EXOC3: variants seen among roughly 807,000 people sequenced by gnomAD.
The protein encoded by EXOC3 is SEC6-like 1.
EXOC3 carries 21 observed loss-of-function variants against 73.7 expected under a neutral mutation model. The ratio of observed to expected loss-of-function variants is 0.29; its 90% CI spans 0.20 to 0.41. The LOEUF is 0.41. Ranked by LOEUF, EXOC3 falls within the 10% of genes least tolerant of loss-of-function variation. The pLI, the probability that EXOC3 is intolerant of heterozygous loss-of-function variation, is 1.00. For synonymous variants in EXOC3, 410 were observed against 389.1 expected (o/e 1.05, Z -0.63); for missense variants, 842 against 985.1 (o/e 0.85, Z 1.95).
At chr5:457,089 G>A (rs2126581518) in intron 5 of EXOC3, 83 bp downstream of exon 5, 8 of 944,044 alleles carry the variant, frequency 8.5e-6, no homozygotes, top group Non-Finnish European at 1.4e-5. Flanking sequence ...AGGAGGCAGG[G>A]GGGAAATGCC....
In EXOC3 at chr5:444,125, T is replaced by C. The variant is rs148817732; in HGVS notation, c.-57+835T>C. On this transcript the variant is annotated intron_variant, in intron 1 of 12. Transcript: ENST00000512944. ...TGCTGATGTTCCCCGCAGTAGGGTG[T>C]CCCCCCGCTCGGCGGAGAGGCTCAC... Among the ~76,000 whole-genome samples the C allele has an allele frequency of 2.0e-4, 31 of 152,178 alleles. 1 individual carries two copies. In the East Asian group the frequency reaches 6.0e-3, roughly 29 times the overall value.
intron 11 of EXOC3, 77 bp from the exon 12 acceptor site, chr5:465,641 G>A (rs979841529): frequency 4.8e-5 from 75 of 1,577,890 alleles, no homozygotes; most frequent in Non-Finnish European, 6.1e-5. Context: ...GTCAGGAAGG[G>A]GCTCAGCCAG....
rs775479208 is a variant in EXOC3, at chr5:465,258, C to T, written c.1924C>T (p.Arg642Trp). The T allele has an allele frequency of 3.5e-5, 55 of 1,584,588 alleles. 3 individuals carry two copies. In the South Asian group the frequency reaches 6.1e-4, roughly 18 times the overall value. Residue 642 changes from arginine (R) to tryptophan (W), a missense_variant, in exon 11 of 13, where the codon CGG becomes TGG. Coordinates refer to ENST00000512944, the MANE Select transcript of EXOC3 (RefSeq NM_007277.5). Reference protein sequence around the residue: ...REAEQLRFLFRKLASGFGEDV... With the variant: ...REAEQLRFLFWKLASGFGEDV... ...GGCAGAGCAGCTGCGCTTCCTGTTC[C>T]GGAAGCTGGCGTCCGTGAGTGTCGC...
At position 456,923 on chromosome 5, in the gene EXOC3, G is replaced by A. The variant is rs1275240494; in HGVS notation, c.1081G>A (p.Glu361Lys). The A allele has an allele frequency of 1.9e-6, 3 of 1,614,046 alleles. No individual in the cohort carries two copies. Among genetic ancestry groups the A allele is most frequent in the Admixed American group, 3.3e-5 (2 of 60,024 alleles). ...GATGAGGAACGTGGAGCTGGCCCCG[G>A]AAGTGGATGTCGGCACCCTGGAGCC... ...EMMRNVELAP[E>K]VDVGTLEPLL... Residue 361 changes from glutamate to lysine, a missense_variant, in exon 5 of 13, where the codon GAA (glutamate) becomes AAA (lysine). By Grantham distance (56) the Glu-to-Lys change is moderately conservative (BLOSUM62 1). Coordinates refer to ENST00000512944, the MANE Select transcript of EXOC3 (RefSeq NM_007277.5).
At chr5:456,857 G>T (rs1375681983) in intron 4 of EXOC3, 32 bp from the exon 5 acceptor site, 1 of 1,531,134 alleles carries the variant, frequency 6.5e-7, no homozygotes, top group Admixed American at 1.7e-5. Context: ...GTCTGTCGTG[G>T]TTTGTCACTC....
intron 5 of EXOC3, chr5:457,594 C>G (rs567696062): frequency 1.7e-5 from 5 of 300,682 alleles, no homozygotes; most frequent in African/African-American, 6.5e-5. Flanking sequence ...GCCTCATTCT[C>G]TGTGCACCTG....
At position 465,286 on chromosome 5, in the gene EXOC3, A is replaced by T. The variant is rs781648230; in HGVS notation, c.1938+14A>T. On this transcript the variant is annotated intron_variant, in intron 11 of 12. Transcript: ENST00000512944. ...AAGCTGGCGTCCGTGAGTGTCGCGC[A>T]GGTCCGGGCTGGAGAAGGCCTGTCG... 4 of 1,568,986 alleles carry T rather than the reference A, an allele frequency of 2.5e-6. No homozygotes were observed. In the South Asian group the frequency reaches 3.5e-5, roughly 14 times the overall value.
chr5:464,865 C>T (rs1738093489), intron 10 of EXOC3: 4 of 560,582 alleles, frequency 7.1e-6, no homozygotes, highest in South Asian at 6.7e-5. Context: ...CGCGGCACTG[C>T]CTCGCCCGCG....
rs550327924 is a variant in EXOC3 at position 453,601 on chromosome 5, T to C, written c.596T>C (p.Leu199Pro). 6.2e-7 allele frequency: 1 copy of C among 1,614,016 alleles called. No homozygotes were observed. Among genetic ancestry groups the C allele is most frequent in the African/African-American group, 1.3e-5 (1 of 75,058 alleles). ...KQLWMVLQRS[L>P]VTVRRDPTLL... ...CTGTGGATGGTGCTGCAGAGGTCACTGGTCACTGTCCGCCGTGACCCCACC... is the reference window on the plus strand; with the variant it reads ...CTGTGGATGGTGCTGCAGAGGTCACCGGTCACTGTCCGCCGTGACCCCACC... The change falls in exon 4 of 13, where the codon CTG becomes CCG. Residue 199 changes from leucine (L) to proline (P), a missense_variant. Coordinates refer to ENST00000512944, the MANE Select transcript of EXOC3 (RefSeq NM_007277.5).
chr5:453,166 C>T (rs72717447), intron 3 of EXOC3, among the ~76,000 whole-genome samples: 71 of 152,320 alleles, frequency 4.7e-4, no homozygotes, highest in Non-Finnish European at 8.5e-4. Flanking sequence ...TGCAAATGAC[C>T]ACAGTTAACC....
rs1178815213 is a variant in EXOC3, at chr5:447,583, C to T, written c.195C>T (p.Leu65=). The T allele has an allele frequency of 6.3e-7, 1 of 1,591,208 alleles. No homozygotes were observed. The highest frequency in any genetic ancestry group is 1.3e-5 in the African/African-American group (1 of 74,424). Residue 65 remains leucine (L), a synonymous_variant, in exon 3 of 13, where the codon CTC becomes CTT. Coordinates refer to ENST00000512944, the MANE Select transcript of EXOC3 (RefSeq NM_007277.5). ...LDGVRTGLSQ[L]HNALNDVKDI... is the part of the protein sequence containing the mutation. ...GGGTGCGCACAGGCCTCAGCCAGCT[C>T]CACAACGCCCTGAATGACGTCAAAG...
At chr5:445,030 A>T (rs1350932973) in intron 1 of EXOC3, 5 of 152,276 alleles carry the variant, frequency 3.3e-5, no homozygotes, top group Non-Finnish European at 5.9e-5. Context: ...GTCTGAAAGC[A>T]TGTGGGCATG....
chr5:456,106 G>C (rs896175500), intron 4 of EXOC3, among the ~76,000 whole-genome samples: 1 of 152,178 alleles, frequency 6.6e-6, no homozygotes, highest in African/African-American at 2.4e-5. Context: ...CAGCACAGCT[G>C]CCCCTCCATA....
chr5:443,781 C>T (rs1423230486), intron 1 of EXOC3, among the ~76,000 whole-genome samples: 4 of 145,066 alleles, frequency 2.8e-5, no homozygotes, highest in African/African-American at 5.2e-5. Context: ...AGTGTACTTC[C>T]TGGTGCAGGT....
At position 449,650 on chromosome 5, in the gene EXOC3, T is replaced by C. The variant is rs1246316985; in HGVS notation, c.364+1898T>C. Among the ~76,000 whole-genome samples the C allele has an allele frequency of 2.6e-5, 4 of 152,266 alleles. No homozygotes were observed. In the East Asian group the frequency reaches 7.7e-4, roughly 29 times the overall value. ...TTCCTTCACTTTTAAGGCTGAATAA[T>C]ATTCCATTGTATGGATGGACCACAT... On this transcript the variant is annotated intron_variant, in intron 3 of 12. Transcript: ENST00000512944.
intron 10 of EXOC3, 137 bp from the exon 11 acceptor site, chr5:464,974 C>T (rs1437271827): frequency 4.1e-5 from 37 of 908,450 alleles, no homozygotes; most frequent in East Asian, 2.2e-4. Flanking sequence ...GGTGAGATGC[C>T]AGAGCCGTGG....
At position 450,517 on chromosome 5, in the gene EXOC3, G is replaced by T. The variant is rs377461952; in HGVS notation, c.364+2765G>T. On this transcript the variant is annotated intron_variant, in intron 3 of 12. Coordinates refer to ENST00000512944, the MANE Select transcript of EXOC3 (RefSeq NM_007277.5). ...GAGAATAGTGTGTGTTCTGTTGTTG[G>T]GTGTTCTTTCTGTGTCTGTTCAGTC... Among the ~76,000 whole-genome samples, 25 of 152,218 alleles carry T rather than the reference G, an allele frequency of 1.6e-4. 1 individual carries two copies. The South Asian group carries it at 5.2e-3, about 32-fold the overall frequency.
intron 1 of EXOC3, among the ~76,000 whole-genome samples, 184 bp from the exon 2 acceptor site, chr5:445,966 C>T (rs1737494313): frequency 1.3e-5 from 2 of 152,170 alleles, no homozygotes; most frequent in Admixed American, 1.3e-4. Flanking sequence ...GGTATAACTT[C>T]TGCATGTTTG....
At chr5:451,803 TTGAA>T (rs2126576318) in intron 3 of EXOC3, among the ~76,000 whole-genome samples, 1 of 152,376 alleles carries the variant, frequency 6.6e-6, no homozygotes, top group African/African-American at 2.4e-5. Flanking sequence ...GCTCTCACTT[TTGAA>T]TGACCATTTT....
Sources: allele counts gnomAD v4.1 joint callset (sites outside exome capture counted in the v4.1 genomes callset), GRCh38; gene constraint gnomAD v4.1.1; transcripts MANE v1.5; gene names NCBI Gene and HGNC (gene_info 2026-07-23, HGNC 2026-07-21).